Variants in ATP6V0D2 observed in about 807,000 individuals in gnomAD.
ATP6V0D2 encodes the protein V-type proton ATPase subunit d 2.
Under a neutral mutation model 40.0 loss-of-function variants are expected in ATP6V0D2, and 40 were observed. The ratio of observed to expected loss-of-function variants is 1.00; its 90% confidence interval spans 0.78 to 1.30. The LOEUF (loss-of-function observed/expected upper bound fraction) is 1.30, where lower values mean the gene tolerates loss of function less well. ATP6V0D2 is among the 50% of genes most tolerant of loss of function. The pLI is 0.00. For missense variants in ATP6V0D2, 470 were observed against 423.1 expected (o/e 1.11, Z -0.97); for synonymous variants, 179 against 156.3 (o/e 1.15, Z -1.08).
chr8:86,127,664 T>A (rs1374987064), intron 2 of ATP6V0D2, among the ~76,000 whole-genome samples: 2 of 152,096 alleles, frequency 1.3e-5, no homozygotes, highest in Non-Finnish European at 2.9e-5. Context: ...GCTCAAGCGA[T>A]CCGCCTGCCT....
chr8:86,116,539 G>C (rs150035869), intron 2 of ATP6V0D2, among the ~76,000 whole-genome samples: 14 of 152,054 alleles, frequency 9.2e-5, no homozygotes, highest in African/African-American at 2.9e-4. Context: ...GCATAGAATT[G>C]GCTATATGTG....
intron 2 of ATP6V0D2, among the ~76,000 whole-genome samples, chr8:86,116,979 T>C (rs1211000457): frequency 6.6e-6 from 1 of 152,228 alleles, no homozygotes; most frequent in Non-Finnish European, 1.5e-5. Flanking sequence ...AAATTGATCA[T>C]TTCATATTTA....
At chr8:86,150,422 T>A in intron 6 of ATP6V0D2, 134 bp downstream of exon 6, 1 of 931,340 alleles carries the variant, frequency 1.1e-6, no homozygotes, top group East Asian at 2.6e-5. Flanking sequence ...CAGTGTTTCT[T>A]GCTGAAGCAA....
chr8:86,118,911 G>T (rs1818630844), intron 2 of ATP6V0D2, among the ~76,000 whole-genome samples: 1 of 152,116 alleles, frequency 6.6e-6, no homozygotes, highest in African/African-American at 2.4e-5. Flanking sequence ...GCAATAATCT[G>T]CCCTGATCAC....
chr8:86,145,255 G>GAGAGAGAAAGAA (rs1563566173), intron 5 of ATP6V0D2, among the ~76,000 whole-genome samples: 30 of 51,870 alleles, frequency 5.8e-4, no homozygotes, highest in Non-Finnish European at 9.8e-4. Flanking sequence ...GAGAGAGAGA[G>GAGAGAGAAAGAA]AGAAAGAAAG....
intron 1 of ATP6V0D2, among the ~76,000 whole-genome samples, chr8:86,101,287 C>T (rs6981194): frequency 0.43 from 65,144 of 151,168 alleles, 14,401 homozygotes; most frequent in East Asian, 0.51. Context: ...AGCAAGACCT[C>T]GTCTCTACTA....
At chr8:86,124,931 T>C (rs1453919302) in intron 2 of ATP6V0D2, among the ~76,000 whole-genome samples, 1 of 152,158 alleles carries the variant, frequency 6.6e-6, no homozygotes, top group South Asian at 2.1e-4. Flanking sequence ...AAAATGTAGC[T>C]AATTTTATTT....
chr8:86,124,724 G>T (rs186369535), intron 2 of ATP6V0D2, among the ~76,000 whole-genome samples: 1 of 152,122 alleles, frequency 6.6e-6, no homozygotes, highest in African/African-American at 2.4e-5. Context: ...TACATAGTTT[G>T]TGAGGCCCGG....
At chr8:86,122,048 T>C (rs891299487) in intron 2 of ATP6V0D2, among the ~76,000 whole-genome samples, 2 of 152,222 alleles carry the variant, frequency 1.3e-5, no homozygotes, top group Admixed American at 6.5e-5. Flanking sequence ...AACAAAGGAA[T>C]GAATGCAATA....
chr8:86,103,988 G>C (rs767576379), intron 1 of ATP6V0D2, among the ~76,000 whole-genome samples: 1 of 151,926 alleles, frequency 6.6e-6, no homozygotes, highest in Non-Finnish European at 1.5e-5. Flanking sequence ...ACCATGCCTG[G>C]CTAATTTTTT....
chr8:86,099,178 A>G, intron 1 of ATP6V0D2, 70 bp downstream of exon 1: 1 of 1,451,440 alleles, frequency 6.9e-7, no homozygotes, highest in Non-Finnish European at 9.1e-7. Context: ...CTCCAGAAGC[A>G]TGGAGAAAAA....
chr8:86,131,564 G>A (rs145514746), intron 2 of ATP6V0D2, among the ~76,000 whole-genome samples: 10 of 150,444 alleles, frequency 6.6e-5, no homozygotes, highest in African/African-American at 1.7e-4. Flanking sequence ...GCAGTGATGC[G>A]ATCTCAGCTC....
chr8:86,126,236 C>CTATATATATA lies in ATP6V0D2; in HGVS notation c.302+12374_302+12383dup, dbSNP rs60590702. 6.0e-3 allele frequency among the ~76,000 whole-genome samples: 461 copies of CTATATATATA among 77,098 alleles called. 20 individuals carry two copies. Among genetic ancestry groups the CTATATATATA allele is most frequent in the East Asian group, 0.012 (17 of 1,466 alleles). 50.6% of individuals were successfully genotyped at this position (77,098 alleles called of 152,430 possible). On this transcript the variant is annotated intron_variant, in intron 2 of 7. Transcript: ENST00000285393. ...ATAGGCGTGAACTACCGTGCTCAGC[C>CTATATATATA]TATATATATATATATATATATATAT...
chr8:86,139,749 AT>A, intron 3 of ATP6V0D2, 114 bp downstream of exon 3: 35 of 1,175,498 alleles, frequency 3.0e-5, no homozygotes, highest in Non-Finnish European at 3.9e-5. Flanking sequence ...TGATTTCACA[AT>A]TTTTTTCCAT....
intron 2 of ATP6V0D2, among the ~76,000 whole-genome samples, chr8:86,124,543 G>A (rs1818714493): frequency 6.6e-6 from 1 of 152,160 alleles, no homozygotes; most frequent in Non-Finnish European, 1.5e-5. Flanking sequence ...ATACAGGTGA[G>A]AAATTCTTAT....
chr8:86,106,401 G>A (rs541410109), intron 1 of ATP6V0D2, among the ~76,000 whole-genome samples: 2 of 152,264 alleles, frequency 1.3e-5, no homozygotes, highest in African/African-American at 4.8e-5. Context: ...CCAAAATGCT[G>A]GGATTACAAG....
chr8:86,150,323 T>A (rs763443180), intron 6 of ATP6V0D2, 35 bp downstream of exon 6: 11 of 1,587,862 alleles, frequency 6.9e-6, no homozygotes, highest in Non-Finnish European at 8.6e-6. Flanking sequence ...AAGTCCTTTG[T>A]GTTCATTCAT....
chr8:86,117,517 C>T lies in ATP6V0D2; in HGVS notation c.302+3637C>T, dbSNP rs527444322. Among the ~76,000 whole-genome samples the T allele has an allele frequency of 2.4e-4, 36 of 152,330 alleles. No individual in the cohort carries two copies. In the South Asian group the frequency reaches 6.4e-3, roughly 27 times the overall value. On this transcript the variant is annotated intron_variant, in intron 2 of 7. Coordinates refer to ENST00000285393, the MANE Select transcript of ATP6V0D2 (RefSeq NM_152565.1). The stretch of plus-strand genomic sequence containing the variant: ...GAAGGAATTGTGGATATACCTGAGG[C>T]ATGACTTTAGTGCGGATGTTTCTTG...
At chr8:86,109,753 T>A (rs189450210) in intron 1 of ATP6V0D2, among the ~76,000 whole-genome samples, 12 of 152,324 alleles carry the variant, frequency 7.9e-5, no homozygotes, top group African/African-American at 2.6e-4. Context: ...CAAAGTAGAA[T>A]TGTTTTAAGT....
Sources: gnomAD v4.1 joint callset for allele counts (sites outside exome capture counted in the v4.1 genomes callset) on GRCh38, gnomAD v4.1.1 for gene constraint, MANE v1.5 for transcripts, NCBI Gene and HGNC (gene_info 2026-07-23, HGNC 2026-07-21) for gene names.